Variants in VPS13C observed in about 807,000 individuals in gnomAD.
VPS13C encodes the protein vacuolar protein sorting 13 homolog C.
VPS13C carries 358 observed loss-of-function variants against 456.8 expected under a neutral mutation model. The observed-to-expected ratio is 0.78, with a 90% CI of 0.72 to 0.86. The LOEUF is 0.86. VPS13C is among the 40% of genes least tolerant of loss of function. The pLI, the probability that VPS13C is intolerant of heterozygous loss-of-function variation, is 0.00. For missense variants in VPS13C, 4,818 were observed against 4,385.4 expected (o/e 1.10, Z -2.79); for synonymous variants, 1,578 against 1,486.7 (o/e 1.06, Z -1.41).
chr15:62,034,508 A>G (rs1249456949), intron 4 of VPS13C, among the ~76,000 whole-genome samples: 1 of 151,758 alleles, frequency 6.6e-6, no homozygotes. Context: ...TTTCGAAGGA[A>G]AAAATTACCA....
At chr15:62,044,411 C>T (rs368699128) in intron 1 of VPS13C, among the ~76,000 whole-genome samples, 156 bp from the exon 2 acceptor site, 1 of 152,096 alleles carries the variant, frequency 6.6e-6, no homozygotes, top group South Asian at 2.1e-4. Context: ...AAAATAGTTG[C>T]TACATATGCT....
intron 61 of VPS13C, among the ~76,000 whole-genome samples, chr15:61,913,874 C>A (rs2043378785): frequency 6.6e-6 from 1 of 152,108 alleles, no homozygotes; most frequent in Non-Finnish European, 1.5e-5. Context: ...CAGTTCCTGT[C>A]TTCGATGAGC....
chr15:61,936,680 G>A lies in VPS13C; in HGVS notation c.5672C>T (p.Ser1891Leu), dbSNP rs777427916. 4.3e-6 allele frequency: 7 copies of A among 1,612,616 alleles called. No homozygotes were observed. Among genetic ancestry groups the A allele is most frequent in the South Asian group, 1.1e-5 (1 of 90,736 alleles). ...CACAGACTGTGTAGGGCTTGGTTGT[G>A]AGGAAGCTTCTCCAAGATTTTCTAG... ...ILLENLGEAS[S>L]QPSPTQSVQE... The change falls in exon 48 of 85, where the codon TCA becomes TTA. Residue 1891 changes from serine (S) to leucine (L), a missense_variant. Around this residue, in one of 3 missense-constraint regions of VPS13C, gnomAD observed 4,552 missense variants for 4,130.6 expected, o/e 1.10. Coordinates refer to ENST00000644861, the MANE Select transcript of VPS13C (RefSeq NM_020821.3).
rs1380552884 is a variant in VPS13C at position 61,910,183 on chromosome 15, T to C, written c.8838A>G (p.Glu2946=). 2 of 1,373,614 alleles carry C rather than the reference T, an allele frequency of 1.5e-6. No individual in the cohort carries two copies. 85.1% of individuals were successfully genotyped at this position (1,373,614 alleles called of 1,614,324 possible). ...ATAAAATATGAAAACTTACCAGATC[T>C]TCTAAGCTCAATAAAGTGCCATTAT... The part of the protein sequence containing the change: ...RQDNGTLLSL[E]DLNGGILVDV... The change falls in exon 64 of 85, where the codon GAA becomes GAG. Residue 2946 remains glutamate (E), a synonymous_variant. Transcript: ENST00000644861.
intron 3 of VPS13C, among the ~76,000 whole-genome samples, chr15:62,037,507 T>C (rs1331738919): frequency 2.4e-5 from 3 of 124,014 alleles, no homozygotes. Context: ...AAATTTATTA[T>C]ATTGTAAGAA....
chr15:62,017,446 T>C (rs1472995891), intron 9 of VPS13C, among the ~76,000 whole-genome samples: 2 of 152,196 alleles, frequency 1.3e-5, no homozygotes, highest in African/African-American at 4.8e-5. Context: ...TTAGTCCATC[T>C]TGAATTGATT....
At position 61,903,752 on chromosome 15, in the gene VPS13C, T is replaced by C. The variant is rs188006237; in HGVS notation, c.9105+3512A>G. ...CTGACTTCAAAACATACCAAAGTTA[T>C]AGTAACCAAAACATCGTGGCAGTAG... On this transcript the variant is annotated intron_variant, in intron 66 of 84. Coordinates refer to ENST00000644861, the MANE Select transcript of VPS13C (RefSeq NM_020821.3). Among the ~76,000 whole-genome samples the C allele has an allele frequency of 5.9e-5, 9 of 152,246 alleles. No individual in the cohort carries two copies. The East Asian group carries it at 1.5e-3, about 26-fold the overall frequency.
intron 82 of VPS13C, chr15:61,856,719 AC>A (rs1450160311): frequency 3.8e-5 from 7 of 185,706 alleles, no homozygotes; most frequent in Non-Finnish European, 6.6e-5. Flanking sequence ...TGGTTAACTG[AC>A]CAAAAAGCTG....
intron 66 of VPS13C, among the ~76,000 whole-genome samples, chr15:61,896,664 G>A (rs931155330): frequency 3.3e-5 from 5 of 151,836 alleles, no homozygotes; most frequent in Admixed American, 6.6e-5. Context: ...AGGCGGCAGC[G>A]AGGCTGGGGG....
chr15:62,041,212 C>CA (rs567144075), intron 3 of VPS13C, 112 bp downstream of exon 3: 370 of 1,061,080 alleles, frequency 3.5e-4, no homozygotes, highest in Middle Eastern at 5.0e-4. Flanking sequence ...ATTAATGAGG[C>CA]AAAAAAAAAT....
Position 61,882,668 on chromosome 15 carries a change from T to TA in VPS13C, c.9551dup (p.Leu3184PhefsTer7). 2 of 1,601,076 alleles carry TA rather than the reference T, an allele frequency of 1.2e-6. No individual in the cohort carries two copies. The highest frequency in any genetic ancestry group is 1.7e-6 in the Non-Finnish European group (2 of 1,174,078). ...GCTTAAATTCAATCTGAATTCCTGA[T>TA]AAAAAGTCTCGTTTAATAGGGCTAC... is the stretch of plus-strand genomic sequence containing the variant. On this transcript the variant is annotated frameshift_variant, in exon 69 of 85. Transcript: ENST00000644861. LOFTEE classifies it high-confidence loss of function.
At chr15:62,036,530 C>T (rs1330024217) in intron 3 of VPS13C, among the ~76,000 whole-genome samples, 1 of 151,992 alleles carries the variant, frequency 6.6e-6, no homozygotes, top group Non-Finnish European at 1.5e-5. Context: ...TTGCATGTCA[C>T]GGGAAGTCTA....
chr15:62,051,042 T>C (rs1567151783), intron 1 of VPS13C, among the ~76,000 whole-genome samples: 1 of 152,026 alleles, frequency 6.6e-6, no homozygotes, highest in Non-Finnish European at 1.5e-5. Context: ...CCTGCCTAAG[T>C]CCAAGAATGG....
intron 53 of VPS13C, 59 bp from the exon 54 acceptor site, chr15:61,922,821 T>C (rs1220686052): frequency 3.0e-6 from 4 of 1,338,622 alleles, no homozygotes; most frequent in African/African-American, 3.0e-5. Context: ...TGAGAATATA[T>C]ACATACATGA....
chr15:61,877,949 T>A (rs1483939749), intron 74 of VPS13C, among the ~76,000 whole-genome samples: 2 of 151,844 alleles, frequency 1.3e-5, no homozygotes, highest in Non-Finnish European at 2.9e-5. Flanking sequence ...TCTCTGTCAT[T>A]ATATTTTCCC....
intron 24 of VPS13C, among the ~76,000 whole-genome samples, chr15:61,974,936 T>G (rs2045660079): frequency 6.6e-6 from 1 of 152,164 alleles, no homozygotes; most frequent in Non-Finnish European, 1.5e-5. Context: ...GCTTACTTTT[T>G]GGCAGGTGCT....
At chr15:62,014,043 A>T (rs2047140958) in intron 9 of VPS13C, 51 bp from the exon 10 acceptor site, 1 of 1,397,252 alleles carries the variant, frequency 7.2e-7, no homozygotes, top group East Asian at 2.3e-5. Context: ...TGTCATTAAT[A>T]GCGCTCTAAT....
intron 16 of VPS13C, among the ~76,000 whole-genome samples, chr15:61,998,769 C>T (rs560940579): frequency 6.6e-6 from 1 of 152,108 alleles, no homozygotes; most frequent in Admixed American, 6.5e-5. Flanking sequence ...TGGGTTTGAA[C>T]GGCATGAGTA....
At chr15:62,036,629 A>C (rs1046037326) in intron 3 of VPS13C, among the ~76,000 whole-genome samples, 2 of 151,966 alleles carry the variant, frequency 1.3e-5, no homozygotes, top group African/African-American at 4.8e-5. Context: ...CTCCTAACAA[A>C]ATTTATTTGA....
Sources: gnomAD v4.1 joint callset for allele counts (sites outside exome capture counted in the v4.1 genomes callset) on GRCh38, gnomAD v4.1.1 for gene constraint, gnomAD v4.1.1 regional missense constraint, MANE v1.5 for transcripts, NCBI Gene and HGNC (gene_info 2026-07-23, HGNC 2026-07-21) for gene names.